The following GULP1 variants were observed in gnomAD, a reference collection of about 807,000 sequenced individuals.
The protein encoded by GULP1 is GULP PTB domain containing engulfment adaptor 1.
In GULP1, 19 loss-of-function variants were observed where a neutral mutation model predicts 40.9. The observed-to-expected ratio is 0.46, with a 90% CI of 0.32 to 0.68. The LOEUF (loss-of-function observed/expected upper bound fraction) is 0.68, where lower values mean the gene tolerates loss of function less well. Ranked by LOEUF, GULP1 falls within the 30% of genes least tolerant of loss-of-function variation. The probability of loss-of-function intolerance (pLI) is 0.03; values close to 1 mark genes in which losing one functional copy is unlikely to be tolerated. For missense variants in GULP1, 312 were observed against 362.2 expected, an observed-to-expected ratio of 0.86 and a Z score of 1.12; for synonymous variants, 119 against 117.6, an observed-to-expected ratio of 1.01 and a Z score of -0.08.
chr2:188,323,648 ATATGTGTGTGTG>A (rs1559110934), intron 1 of GULP1, among the ~76,000 whole-genome samples: 1 of 60,938 alleles, frequency 1.6e-5, no homozygotes, highest in African/African-American at 6.8e-5. Context: ...ATATCTGAAG[ATATGTGTGTGTG>A]TGTGTGTGTG....
chr2:188,419,088 C>G (rs2054995779), intron 2 of GULP1, among the ~76,000 whole-genome samples: 1 of 152,118 alleles, frequency 6.6e-6, no homozygotes, highest in Admixed American at 6.6e-5. Context: ...AACGTATATG[C>G]CACATTTTCT....
rs1011644535 is a variant in GULP1, at chr2:188,292,814, G to C, written c.-172+648G>C. ...CCACATGGTTACCCTTCTGCTGCGC[G>C]GGTCAAGTAGCTTCTTCTGGAGGGC... On this transcript the variant is annotated intron_variant, in intron 1 of 11. Transcript: ENST00000409830. The surrounding 1 kb of genome is among the most constrained non-coding windows in gnomAD (Gnocchi z 4.0). The C allele has an allele frequency of 6.6e-6, 1 of 152,576 alleles. No individual in the cohort carries two copies. The highest frequency in any genetic ancestry group is 2.4e-5 in the African/African-American group (1 of 41,416). The allele number at this position is 152,576 out of a possible 1,614,324, so 9.5% of individuals were successfully genotyped here.
At chr2:188,551,891 T>C (rs776512939) in intron 7 of GULP1, among the ~76,000 whole-genome samples, 6 of 151,906 alleles carry the variant, frequency 3.9e-5, no homozygotes, top group Non-Finnish European at 7.4e-5. Context: ...GATGATAACA[T>C]TGTGGTTTTG....
chr2:188,410,668 A>G (rs1259142431), intron 2 of GULP1, among the ~76,000 whole-genome samples: 1 of 152,180 alleles, frequency 6.6e-6, no homozygotes, highest in Non-Finnish European at 1.5e-5. Flanking sequence ...AGACGTAGGA[A>G]GAGCCCAAAG....
At chr2:188,344,165 C>T (rs2043322177) in intron 1 of GULP1, among the ~76,000 whole-genome samples, 1 of 152,138 alleles carries the variant, frequency 6.6e-6, no homozygotes, top group Non-Finnish European at 1.5e-5. Flanking sequence ...GGAGTAAATA[C>T]CTGACTAAAT....
At chr2:188,389,028 G>A (rs1229571718) in intron 2 of GULP1, among the ~76,000 whole-genome samples, 1 of 152,222 alleles carries the variant, frequency 6.6e-6, no homozygotes, top group African/African-American at 2.4e-5. Context: ...AAAAAAGAAA[G>A]TGTGGTAGAT....
At chr2:188,448,878 T>C (rs1358336604) in intron 2 of GULP1, among the ~76,000 whole-genome samples, 2 of 152,146 alleles carry the variant, frequency 1.3e-5, no homozygotes, top group African/African-American at 4.8e-5. Flanking sequence ...TTTTCCTCCT[T>C]CTCTGGCCAT....
intron 1 of GULP1, among the ~76,000 whole-genome samples, chr2:188,339,561 T>A (rs113165169): frequency 2.6e-5 from 4 of 152,262 alleles, no homozygotes; most frequent in South Asian, 2.1e-4. Flanking sequence ...TGTTGTCTCA[T>A]TGGGGAAGTT....
chr2:188,554,651 A>G (rs1313122529), intron 7 of GULP1, among the ~76,000 whole-genome samples: 1 of 151,894 alleles, frequency 6.6e-6, no homozygotes, highest in Non-Finnish European at 1.5e-5. Context: ...ATAAATGTGT[A>G]TTAGGTCAAT....
chr2:188,473,001 C>T (rs2060713712), intron 2 of GULP1, among the ~76,000 whole-genome samples: 1 of 152,114 alleles, frequency 6.6e-6, no homozygotes, highest in Middle Eastern at 3.2e-3. Context: ...GGGGGGGACC[C>T]CAAGCCCAGT....
chr2:188,473,681 G>T (rs1161858539), intron 2 of GULP1, among the ~76,000 whole-genome samples: 1 of 152,086 alleles, frequency 6.6e-6, no homozygotes, highest in Non-Finnish European at 1.5e-5. Context: ...CAGTGGACTC[G>T]CCTCTGGCCA....
chr2:188,524,709 C>A (rs1038285779), intron 5 of GULP1, among the ~76,000 whole-genome samples: 18 of 150,390 alleles, frequency 1.2e-4, no homozygotes, highest in African/African-American at 4.4e-4. Context: ...CTCGCAATGG[C>A]CAGTAGGTGG....
At position 188,499,210 on chromosome 2, in the gene GULP1, A is replaced by G. The variant is rs116406992; in HGVS notation, c.90+15718A>G. The stretch of plus-strand genomic sequence containing the variant: ...CTGTATCTTACAGACTGGGGAGTAA[A>G]TGGTAACAACTTTTAAATCTAGCTG... On this transcript the variant is annotated intron_variant, in intron 4 of 11. Coordinates refer to ENST00000409830, the MANE Select transcript of GULP1 (RefSeq NM_016315.4). Among the ~76,000 whole-genome samples the G allele has an allele frequency of 6.8e-3, 1,001 of 147,294 alleles. 18 individuals carry two copies. The highest frequency in any genetic ancestry group is 0.024 in the African/African-American group (956 of 40,400).
Position 188,590,575 on chromosome 2 carries a change from A to C in GULP1, c.843+2626A>C, listed in dbSNP as rs181032555. The C allele has an allele frequency of 1.1e-3, 160 of 152,314 alleles. 1 individual carries two copies. Among genetic ancestry groups the C allele is most frequent in the African/African-American group, 3.8e-3 (158 of 41,574 alleles). 9.4% of individuals were successfully genotyped at this position (152,314 alleles called of 1,614,324 possible). A position where few individuals can be genotyped will look rare whatever the true frequency, so the allele number is the denominator to read the frequency against. ...GAATTATTAAGTTTGAAATCACAGA[A>C]ACATCTCATGCATGTAAGCATTTAT... On this transcript the variant is annotated intron_variant, in intron 11 of 11. Coordinates refer to ENST00000409830, the MANE Select transcript of GULP1 (RefSeq NM_016315.4).
chr2:188,406,141 C>A (rs2053061100), intron 2 of GULP1, among the ~76,000 whole-genome samples: 1 of 152,130 alleles, frequency 6.6e-6, no homozygotes, highest in African/African-American at 2.4e-5. Flanking sequence ...TAGCTGATTG[C>A]TACATATACC....
At chr2:188,558,469 C>A (rs1695406450) in intron 7 of GULP1, among the ~76,000 whole-genome samples, 2 of 152,186 alleles carry the variant, frequency 1.3e-5, no homozygotes, top group South Asian at 4.1e-4. Context: ...TTTTTCTTCC[C>A]AGTCTCAGGT....
chr2:188,519,001 A>C (rs1445939307), intron 4 of GULP1, among the ~76,000 whole-genome samples: 1 of 152,164 alleles, frequency 6.6e-6, no homozygotes, highest in East Asian at 1.9e-4. Flanking sequence ...AGGTGTAAGA[A>C]ATGCACATAA....
At chr2:188,405,173 G>T (rs1302460593) in intron 2 of GULP1, among the ~76,000 whole-genome samples, 3 of 152,056 alleles carry the variant, frequency 2.0e-5, no homozygotes, top group African/African-American at 7.2e-5. Context: ...AGTGCTTGCA[G>T]ACCTATCCTC....
intron 1 of GULP1, among the ~76,000 whole-genome samples, chr2:188,322,931 T>A (rs978278555): frequency 2.0e-5 from 3 of 152,142 alleles, no homozygotes; most frequent in African/African-American, 7.2e-5. Context: ...CTGCCTTTTG[T>A]CAAGACCTCT....
Sources: gnomAD v4.1 joint callset for allele counts (sites outside exome capture counted in the v4.1 genomes callset) on GRCh38, gnomAD v4.1.1 for gene constraint, Gnocchi (gnomAD v3.1) non-coding constraint, MANE v1.5 for transcripts, NCBI Gene and HGNC (gene_info 2026-07-23, HGNC 2026-07-21) for gene names.